FBXL13: variants seen among roughly 807,000 people sequenced by gnomAD.
FBXL13 encodes F-box and leucine-rich repeat protein 13.
Under a neutral mutation model 83.6 loss-of-function variants are expected in FBXL13, and 67 were observed. That is an observed-to-expected ratio of 0.80 (90% confidence interval 0.66 to 0.98). FBXL13 has a LOEUF of 0.98. FBXL13 is among the 50% of genes least tolerant of loss of function. FBXL13 has a pLI of 0.00. For synonymous variants in FBXL13, 272 were observed against 299.5 expected (o/e 0.91, Z 0.95); for missense variants, 822 against 866.5 (o/e 0.95, Z 0.64).
intron 18 of FBXL13, among the ~76,000 whole-genome samples, chr7:102,828,442 A>C (rs968993477): frequency 1.4e-4 from 21 of 152,318 alleles, no homozygotes; most frequent in Middle Eastern, 3.4e-3. Flanking sequence ...ATTTCCAAAC[A>C]TGTTAGCCAG....
intron 11 of FBXL13, among the ~76,000 whole-genome samples, chr7:102,898,790 A>C (rs1268857151): frequency 6.6e-6 from 1 of 152,252 alleles, no homozygotes; most frequent in South Asian, 2.1e-4. Context: ...AAACATGAGC[A>C]TGTGACTAAT....
chr7:102,848,273 G>GTGTGTACGGATATTATAT (rs1299866637), intron 17 of FBXL13, among the ~76,000 whole-genome samples: 1 of 116,168 alleles, frequency 8.6e-6, no homozygotes. Flanking sequence ...ATACACATTC[G>GTGTGTACGGATATTATAT]AGGCCGGGCG....
At chr7:103,015,722 G>A (rs1286051835) in intron 6 of FBXL13, among the ~76,000 whole-genome samples, 4 of 147,072 alleles carry the variant, frequency 2.7e-5, no homozygotes, top group Admixed American at 1.4e-4. Flanking sequence ...GCTTGAACCC[G>A]GGAAGCAGAG....
intron 9 of FBXL13, among the ~76,000 whole-genome samples, chr7:102,929,244 T>G (rs545327895): frequency 6.6e-6 from 1 of 152,310 alleles, no homozygotes; most frequent in East Asian, 1.9e-4. Flanking sequence ...GAAAAATTAC[T>G]AAAGGAGGAT....
intron 1 of FBXL13, among the ~76,000 whole-genome samples, chr7:103,069,178 G>A (rs548988499): frequency 1.3e-5 from 2 of 151,916 alleles, no homozygotes; most frequent in East Asian, 3.9e-4. Context: ...GAAGTAAGGC[G>A]CACCTCTCCC....
At chr7:103,062,829 G>A (rs1798051166) in intron 1 of FBXL13, among the ~76,000 whole-genome samples, 1 of 152,194 alleles carries the variant, frequency 6.6e-6, no homozygotes, top group South Asian at 2.1e-4. Context: ...CAGGAGACAA[G>A]CTCAGGCTAG....
chr7:102,849,009 A>G (rs56269620), intron 17 of FBXL13, among the ~76,000 whole-genome samples: 71,114 of 151,954 alleles, frequency 0.47, 18,415 homozygotes, highest in African/African-American at 0.7. Flanking sequence ...TCAAAAAAAA[A>G]CAACCAGAGT....
intron 18 of FBXL13, among the ~76,000 whole-genome samples, chr7:102,828,945 T>C (rs116345094): frequency 0.011 from 1,664 of 152,250 alleles, 36 homozygotes; most frequent in African/African-American, 0.038. Flanking sequence ...CTTTTGTAGA[T>C]TGTCATTCTC....
At chr7:102,992,377 A>G (rs1414949440) in intron 6 of FBXL13, among the ~76,000 whole-genome samples, 3 of 152,230 alleles carry the variant, frequency 2.0e-5, no homozygotes, top group African/African-American at 4.8e-5. Flanking sequence ...AAACAGAAAC[A>G]TTAAGCAGCA....
intron 7 of FBXL13, among the ~76,000 whole-genome samples, chr7:102,965,781 T>G (rs1825908502): frequency 6.6e-6 from 1 of 152,234 alleles, no homozygotes; most frequent in African/African-American, 2.4e-5. Flanking sequence ...CTGTTTCTTG[T>G]AAGATACTTT....
rs752226465 is a variant in FBXL13 at position 102,913,097 on chromosome 7, CA to C, written c.996del (p.Gly333AlafsTer31). 6 of 1,614,044 alleles carry C rather than the reference CA, an allele frequency of 3.7e-6. No individual in the cohort carries two copies. Among genetic ancestry groups the C allele is most frequent in the South Asian group, 3.3e-5 (3 of 91,082 alleles). ...ACTGAAAGACAAACCTGGGTGCAGC[CA>C]GAGAGGTCCAGATAGATGAGCTTGT... On this transcript the variant is annotated frameshift_variant, in exon 11 of 20. Coordinates refer to ENST00000313221, the Ensembl canonical transcript of FBXL13. LOFTEE classifies it high-confidence loss of function.
At chr7:102,911,527 A>G (rs546158711) in intron 11 of FBXL13, among the ~76,000 whole-genome samples, 53 of 152,236 alleles carry the variant, frequency 3.5e-4, no homozygotes, top group Middle Eastern at 3.4e-3. Flanking sequence ...CATCAAAGTT[A>G]GGCTTCTACC....
chr7:102,886,388 G>C (rs1810796921), intron 11 of FBXL13, among the ~76,000 whole-genome samples: 1 of 152,126 alleles, frequency 6.6e-6, no homozygotes, highest in South Asian at 2.1e-4. Context: ...CACTAAAGGT[G>C]ACTTCCAAGG....
rs141534540 is a variant in FBXL13 at position 103,065,523 on chromosome 7, G to A, written c.-105+8723C>T. Reference sequence around the variant, plus strand: ...CAGTCAAGAGACAGAAATCACACCCGTGTTTTGAATAAAGAACAATTTATT... The same window carrying A: ...CAGTCAAGAGACAGAAATCACACCCATGTTTTGAATAAAGAACAATTTATT... On this transcript the variant is annotated intron_variant, in intron 1 of 19. Coordinates refer to ENST00000313221, the Ensembl canonical transcript of FBXL13. Among the ~76,000 whole-genome samples, 343 of 152,202 alleles carry A rather than the reference G, an allele frequency of 2.3e-3. 2 individuals are homozygous for A. The highest frequency in any genetic ancestry group is 4.1e-3 in the Non-Finnish European group (281 of 67,990).
At chr7:103,060,033 T>C (rs1298118504) in intron 1 of FBXL13, among the ~76,000 whole-genome samples, 2 of 89,422 alleles carry the variant, frequency 2.2e-5, no homozygotes, top group East Asian at 3.9e-4. Context: ...TATATATATA[T>C]ATATATATAT....
intron 6 of FBXL13, among the ~76,000 whole-genome samples, chr7:102,982,429 T>C (rs1828360934): frequency 6.6e-6 from 1 of 152,158 alleles, no homozygotes; most frequent in Admixed American, 6.5e-5. Context: ...ATTCAGAGTA[T>C]ATACAGATTC....
intron 1 of FBXL13, among the ~76,000 whole-genome samples, chr7:103,065,155 T>C (rs1309434515): frequency 6.6e-6 from 1 of 152,078 alleles, no homozygotes; most frequent in African/African-American, 2.4e-5. Context: ...CATCCATCCC[T>C]AGCAACATAC....
intron 16 of FBXL13, among the ~76,000 whole-genome samples, chr7:102,862,465 T>C (rs562902150): frequency 6.6e-6 from 1 of 152,324 alleles, no homozygotes; most frequent in South Asian, 2.1e-4. Context: ...AAAAACCCAA[T>C]ATGTGTCTGT....
At chr7:103,051,867 A>G (rs1421897710) in intron 2 of FBXL13, among the ~76,000 whole-genome samples, 2 of 152,234 alleles carry the variant, frequency 1.3e-5, no homozygotes, top group Non-Finnish European at 2.9e-5. Context: ...ATGAATGGTT[A>G]AAGTACGGCT....
Sources: allele counts gnomAD v4.1 joint callset (sites outside exome capture counted in the v4.1 genomes callset), GRCh38; gene constraint gnomAD v4.1.1; transcripts MANE v1.5; gene names NCBI Gene and HGNC (gene_info 2026-07-23, HGNC 2026-07-21).